Variants in DLG2 observed in about 807,000 individuals in gnomAD.
DLG2 encodes the protein discs large MAGUK scaffold protein 2, also known as disks large homolog 2.
In DLG2, 45 loss-of-function variants were observed where a neutral mutation model predicts 132.5. The ratio of observed to expected loss-of-function variants is 0.34; its 90% CI spans 0.27 to 0.44. The LOEUF is 0.44. DLG2 is among the 20% of genes least tolerant of loss of function. The pLI is 1.00. For missense variants in DLG2, 1,045 were observed against 1,196.9 expected, an observed-to-expected ratio of 0.87 and a Z score of 1.87; for synonymous variants, 424 against 419.6, an observed-to-expected ratio of 1.01 and a Z score of -0.13.
intron 3 of DLG2, among the ~76,000 whole-genome samples, chr11:85,497,289 C>G (rs1302384184): frequency 1.3e-5 from 2 of 151,354 alleles, no homozygotes; most frequent in Non-Finnish European, 2.9e-5. Context: ...CATACACAAA[C>G]TTCAATAGCC....
intron 7 of DLG2, among the ~76,000 whole-genome samples, chr11:84,399,854 C>G (rs1287181275): frequency 1.3e-5 from 2 of 152,120 alleles, no homozygotes; most frequent in Non-Finnish European, 2.9e-5. Flanking sequence ...ATCGATAAAC[C>G]CAAAACCTTT....
chr11:84,496,861 C>T (rs2099185860), intron 7 of DLG2, among the ~76,000 whole-genome samples: 1 of 152,052 alleles, frequency 6.6e-6, no homozygotes, highest in Non-Finnish European at 1.5e-5. Context: ...AGTATCTGGA[C>T]ATGGTAAAAA....
chr11:85,103,706 C>CA (rs1434728779), intron 6 of DLG2, among the ~76,000 whole-genome samples: 1 of 151,322 alleles, frequency 6.6e-6, no homozygotes, highest in Non-Finnish European at 1.5e-5. Flanking sequence ...TACAGGTGAC[C>CA]AAAAAAAGAT....
At chr11:84,540,290 C>G (rs1158631229) in intron 6 of DLG2, among the ~76,000 whole-genome samples, 1 of 150,972 alleles carries the variant, frequency 6.6e-6, no homozygotes, top group Non-Finnish European at 1.5e-5. Context: ...ACAATCTACC[C>G]ATCTGACAAA....
chr11:85,103,386 G>C (rs998887457), intron 6 of DLG2, among the ~76,000 whole-genome samples: 1 of 151,882 alleles, frequency 6.6e-6, no homozygotes, highest in African/African-American at 2.4e-5. Context: ...AGACAGTGTG[G>C]CACTGGCAAA....
At chr11:84,707,113 A>G (rs1182492859) in intron 6 of DLG2, among the ~76,000 whole-genome samples, 1 of 151,734 alleles carries the variant, frequency 6.6e-6, no homozygotes, top group Non-Finnish European at 1.5e-5. Context: ...AACATGAATG[A>G]GGGTCTGGCA....
intron 10 of DLG2, among the ~76,000 whole-genome samples, chr11:84,063,820 G>T (rs2096628626): frequency 6.6e-6 from 1 of 152,100 alleles, no homozygotes; most frequent in Non-Finnish European, 1.5e-5. Context: ...GTAGGGACAT[G>T]GATGAAGCTG....
At chr11:83,565,778 A>G (rs1480580622) in intron 19 of DLG2, among the ~76,000 whole-genome samples, 1 of 152,204 alleles carries the variant, frequency 6.6e-6, no homozygotes, top group East Asian at 1.9e-4. Context: ...CAACTTGGAC[A>G]TTTCACAGGT....
Position 83,758,235 on chromosome 11 carries a change from T to A in DLG2, c.1825+28455A>T, listed in dbSNP as rs1244449201. Among the ~76,000 whole-genome samples, 14 of 152,122 alleles carry A rather than the reference T, an allele frequency of 9.2e-5. 1 individual carries two copies. Among genetic ancestry groups the A allele is most frequent in the Non-Finnish European group, 2.1e-4 (14 of 68,022 alleles). ...CCACTTCTATTGGTTAGTCTCCCATTCATTTCCACCAGGATCTAGTTCAGC... is the reference window on the plus strand; with the variant it reads ...CCACTTCTATTGGTTAGTCTCCCATACATTTCCACCAGGATCTAGTTCAGC... On this transcript the variant is annotated intron_variant, in intron 18 of 27. Transcript: ENST00000376104.
In DLG2 at chr11:83,684,141, G is replaced by C. The variant is rs1295587900; in HGVS notation, c.1826-50816C>G. Among the ~76,000 whole-genome samples the C allele has an allele frequency of 3.3e-5, 5 of 152,044 alleles. No homozygotes were observed. In the South Asian group the frequency reaches 6.2e-4, roughly 19 times the overall value. Reference sequence around the variant, plus strand: ...TAAGTCATGGTGTGCCAAGCAGGAAGACAGGTATCTCTGTCTTGAACGTTC... The same window carrying C: ...TAAGTCATGGTGTGCCAAGCAGGAACACAGGTATCTCTGTCTTGAACGTTC... On this transcript the variant is annotated intron_variant, in intron 18 of 27. Transcript: ENST00000376104.
intron 3 of DLG2, among the ~76,000 whole-genome samples, chr11:85,521,985 C>T (rs1226828788): frequency 6.6e-6 from 1 of 152,054 alleles, no homozygotes; most frequent in East Asian, 1.9e-4. Context: ...CAGAAATTTG[C>T]ATAAGTAACA....
chr11:85,372,850 T>C (rs972142415), intron 3 of DLG2, among the ~76,000 whole-genome samples: 2 of 152,188 alleles, frequency 1.3e-5, no homozygotes, highest in Admixed American at 6.5e-5. Context: ...GTACCCCTGG[T>C]ATCTGTTAGG....
intron 3 of DLG2, among the ~76,000 whole-genome samples, chr11:85,294,162 C>A (rs2079081184): frequency 6.6e-6 from 1 of 152,052 alleles, no homozygotes; most frequent in Middle Eastern, 3.4e-3. Flanking sequence ...TAGAGACATG[C>A]ATATATAGAA....
chr11:83,832,399 A>G lies in DLG2; in HGVS notation c.1722+1215T>C, dbSNP rs76561958. 1.8e-4 allele frequency among the ~76,000 whole-genome samples: 27 copies of G among 152,214 alleles called. No individual in the cohort carries two copies. The East Asian group carries it at 4.1e-3, about 23-fold the overall frequency. On this transcript the variant is annotated intron_variant, in intron 17 of 27. Transcript: ENST00000376104. ...AGTATGTACAACTTTTTCTACGTCA[A>G]TCTCATCTCAGTAAAGTACCCTTGA...
chr11:85,066,999 C>T (rs769402405), intron 6 of DLG2, among the ~76,000 whole-genome samples: 9 of 151,676 alleles, frequency 5.9e-5, no homozygotes, highest in Non-Finnish European at 1.0e-4. Flanking sequence ...TTTTTCTGTT[C>T]ACTGATGATA....
At chr11:84,789,434 A>G (rs529499555) in intron 6 of DLG2, among the ~76,000 whole-genome samples, 2 of 152,172 alleles carry the variant, frequency 1.3e-5, no homozygotes, top group Admixed American at 1.3e-4. Context: ...TTTTGTGGGT[A>G]TATAGTAGGC....
chr11:85,285,951 C>T (rs2078525106), intron 3 of DLG2: 2 of 323,196 alleles, frequency 6.2e-6, no homozygotes, highest in African/African-American at 4.5e-5. Context: ...AAAAGTAAAC[C>T]TTAACGTAGG....
intron 15 of DLG2, among the ~76,000 whole-genome samples, chr11:83,915,111 G>C (rs1180769686): frequency 6.6e-6 from 1 of 152,168 alleles, no homozygotes; most frequent in East Asian, 1.9e-4. Flanking sequence ...TTAGGAAGGA[G>C]CAGGCAACAG....
chr11:85,611,869 G>C (rs1226181659), intron 2 of DLG2, among the ~76,000 whole-genome samples: 1 of 152,144 alleles, frequency 6.6e-6, no homozygotes, highest in Non-Finnish European at 1.5e-5. Flanking sequence ...AAAGGGGAAG[G>C]AGAGGGGAGA....
Sources: gnomAD v4.1 joint callset for allele counts (sites outside exome capture counted in the v4.1 genomes callset) on GRCh38, gnomAD v4.1.1 for gene constraint, MANE v1.5 for transcripts, NCBI Gene and HGNC (gene_info 2026-07-23, HGNC 2026-07-21) for gene names.